DLG2: variants seen among roughly 807,000 people sequenced by gnomAD.
The protein encoded by DLG2 is disks large homolog 2.
Under a neutral mutation model 132.5 loss-of-function variants are expected in DLG2, and 45 were observed. The observed-to-expected ratio is 0.34, with a 90% CI of 0.27 to 0.44. The LOEUF (loss-of-function observed/expected upper bound fraction) is 0.44, where lower values mean the gene tolerates loss of function less well. Ranked by LOEUF, DLG2 falls within the 20% of genes least tolerant of loss-of-function variation. The pLI is 1.00. For missense variants in DLG2, 1,045 were observed against 1,196.9 expected, an observed-to-expected ratio of 0.87 and a Z score of 1.87; for synonymous variants, 424 against 419.6, an observed-to-expected ratio of 1.01 and a Z score of -0.13.
chr11:85,091,815 T>C (rs1207508213), intron 6 of DLG2, among the ~76,000 whole-genome samples: 3 of 152,212 alleles, frequency 2.0e-5, no homozygotes, highest in Non-Finnish European at 4.4e-5. Flanking sequence ...GCTATTTCCA[T>C]GTCTGCAGTT....
intron 17 of DLG2, among the ~76,000 whole-genome samples, chr11:83,827,484 C>CT (rs2053207315): frequency 6.6e-6 from 1 of 152,082 alleles, no homozygotes; most frequent in Admixed American, 6.5e-5. Context: ...TTTGGAAATC[C>CT]AGTTACCTAT....
rs1400308 is a variant in DLG2 at position 83,864,204 on chromosome 11, C to T, written c.1565+10216G>A. ...TGATAAAAATTACTGAAATTCCACC[C>T]GAACAGTGCTAGTAGCTTCCCTCAA... is the stretch of plus-strand genomic sequence containing the variant. On this transcript the variant is annotated intron_variant, in intron 16 of 27. Transcript: ENST00000376104. Among the ~76,000 whole-genome samples, 73 of 152,242 alleles carry T rather than the reference C, an allele frequency of 4.8e-4. No individual in the cohort carries two copies. In the East Asian group the frequency reaches 4.8e-3, roughly 10 times the overall value.
chr11:83,467,810 T>TATATATATAC (rs1414160515), intron 25 of DLG2, among the ~76,000 whole-genome samples: 14 of 96,288 alleles, frequency 1.5e-4, no homozygotes, highest in African/African-American at 3.6e-4. Flanking sequence ...TATATATATA[T>TATATATATAC]ACACACACAC....
In DLG2 at chr11:83,743,449, T is replaced by TTTTTTTTTTTTTTTTTTTTTTTA. The variant is rs1555372680; in HGVS notation, c.1825+43240_1825+43241insTAAAAAAAAAAAAAAAAAAAAAA. On this transcript the variant is annotated intron_variant, in intron 18 of 27. Transcript: ENST00000376104. ...AGGCCATTTTTTTTTTTTTTTTTTT[T>TTTTTTTTTTTTTTTTTTTTTTTA]ATGACAGGGTCTCACTTTGTCACCC... Among the ~76,000 whole-genome samples the TTTTTTTTTTTTTTTTTTTTTTTA allele has an allele frequency of 1.2e-3, 154 of 124,056 alleles. 16 individuals are homozygous for TTTTTTTTTTTTTTTTTTTTTTTA. Among genetic ancestry groups the TTTTTTTTTTTTTTTTTTTTTTTA allele is most frequent in the African/African-American group, 2.8e-3 (68 of 24,106 alleles). The allele number at this position is 124,056 out of a possible 152,430, so 81.4% of individuals were successfully genotyped here. A position where few individuals can be genotyped will look rare whatever the true frequency, so the allele number is the denominator to read the frequency against.
rs149090574 is a variant in DLG2, at chr11:85,543,202, G to A, written c.40+55455C>T. ...CTCCCTGTGCCCATTTGTTCTCATC[G>A]TTCAACTCCGACTTATGAGTGAGAA... On this transcript the variant is annotated intron_variant, in intron 3 of 27. Transcript: ENST00000376104. Among the ~76,000 whole-genome samples, 1,312 of 152,170 alleles carry A rather than the reference G, an allele frequency of 8.6e-3. 14 individuals carry two copies. The highest frequency in any genetic ancestry group is 0.03 in the African/African-American group (1,237 of 41,490).
At chr11:84,529,380 T>C (rs959197791) in intron 7 of DLG2, among the ~76,000 whole-genome samples, 1 of 152,156 alleles carries the variant, frequency 6.6e-6, no homozygotes, top group African/African-American at 2.4e-5. Context: ...GATATGATGC[T>C]ATACCTAGAA....
chr11:84,103,552 G>A (rs2092692484), intron 9 of DLG2, among the ~76,000 whole-genome samples: 1 of 152,068 alleles, frequency 6.6e-6, no homozygotes, highest in Non-Finnish European at 1.5e-5. Context: ...CTTGCAGTTG[G>A]GAAGATTCCA....
At chr11:83,906,311 AC>A in intron 15 of DLG2, among the ~76,000 whole-genome samples, 1 of 122,652 alleles carries the variant, frequency 8.2e-6, no homozygotes, top group Admixed American at 8.0e-5. Context: ...ACACACACAC[AC>A]ACACACACCT....
At chr11:85,566,311 T>C (rs951719090) in intron 3 of DLG2, among the ~76,000 whole-genome samples, 6 of 152,132 alleles carry the variant, frequency 3.9e-5, no homozygotes, top group African/African-American at 1.4e-4. Context: ...TTAACTTTCC[T>C]TTGAAGCACA....
At chr11:84,777,059 T>G (rs138781817) in intron 6 of DLG2, among the ~76,000 whole-genome samples, 32 of 151,804 alleles carry the variant, frequency 2.1e-4, no homozygotes, top group Non-Finnish European at 3.5e-4. Flanking sequence ...TCCTCACCTT[T>G]GCGAGTCTTG....
chr11:83,672,987 G>A (rs1357874656), intron 18 of DLG2, among the ~76,000 whole-genome samples: 1 of 152,078 alleles, frequency 6.6e-6, no homozygotes, highest in African/African-American at 2.4e-5. Flanking sequence ...ACTTGAACCC[G>A]GGAGTCGGAG....
intron 6 of DLG2, among the ~76,000 whole-genome samples, chr11:84,553,131 C>A (rs980544578): frequency 1.3e-5 from 2 of 152,284 alleles, no homozygotes; most frequent in African/African-American, 4.8e-5. Context: ...TTTTAAGATT[C>A]TTTTCATGTC....
At chr11:85,569,462 T>C in intron 3 of DLG2, among the ~76,000 whole-genome samples, 1 of 152,356 alleles carries the variant, frequency 6.6e-6, no homozygotes, top group South Asian at 2.1e-4. Flanking sequence ...CACTTGTAAA[T>C]TCTTCTTTAA....
At chr11:84,482,325 C>G (rs891211720) in intron 7 of DLG2, among the ~76,000 whole-genome samples, 4 of 152,132 alleles carry the variant, frequency 2.6e-5, no homozygotes, top group African/African-American at 7.2e-5. Context: ...TAATCTTTCA[C>G]CAAGAATGTC....
At chr11:84,979,178 G>A (rs534189851) in intron 6 of DLG2, among the ~76,000 whole-genome samples, 1 of 152,260 alleles carries the variant, frequency 6.6e-6, no homozygotes, top group South Asian at 2.1e-4. Context: ...TGGAGAGGAT[G>A]TAGAAAAATA....
At chr11:84,490,227 T>G (rs2099161286) in intron 7 of DLG2, among the ~76,000 whole-genome samples, 1 of 152,116 alleles carries the variant, frequency 6.6e-6, no homozygotes, top group Admixed American at 6.6e-5. Flanking sequence ...GTTGTGAGGA[T>G]TAAGTAAGAT....
intron 7 of DLG2, among the ~76,000 whole-genome samples, chr11:84,514,472 A>T (rs1286454425): frequency 1.3e-5 from 2 of 152,108 alleles, no homozygotes; most frequent in Non-Finnish European, 2.9e-5. Context: ...TGGATAAAGA[A>T]AATGTAGTAC....
rs184120773 is a variant in DLG2 at position 84,321,589 on chromosome 11, A to G, written c.520-70298T>C. 6.6e-5 allele frequency among the ~76,000 whole-genome samples: 10 copies of G among 152,228 alleles called. No homozygotes were observed. The East Asian group carries it at 1.9e-3, about 29-fold the overall frequency. ...TTGAGCTCAATCCTACCTTGTGGCC[A>G]TGGAGGATGTTCTTTTCCCCACTTC... On this transcript the variant is annotated intron_variant, in intron 7 of 27. Coordinates refer to ENST00000376104, the MANE Select transcript of DLG2 (RefSeq NM_001142699.3).
chr11:83,663,014 T>C (rs1041455994), intron 18 of DLG2, among the ~76,000 whole-genome samples: 1 of 152,186 alleles, frequency 6.6e-6, no homozygotes, highest in Non-Finnish European at 1.5e-5. Flanking sequence ...GCTGCCTCCA[T>C]TCCTAACTAG....
Sources: allele counts gnomAD v4.1 joint callset (sites outside exome capture counted in the v4.1 genomes callset), GRCh38; gene constraint gnomAD v4.1.1; transcripts MANE v1.5; gene names NCBI Gene and HGNC (gene_info 2026-07-23, HGNC 2026-07-21).